Variants in NRXN1 observed in about 807,000 individuals in gnomAD.
NRXN1 encodes the protein neurexin-1.
NRXN1 carries 39 observed loss-of-function variants against 150.9 expected under a neutral mutation model. That is an observed-to-expected ratio of 0.26 (90% CI 0.20 to 0.34). The LOEUF (loss-of-function observed/expected upper bound fraction) is 0.34. NRXN1 is among the 10% of genes least tolerant of loss of function. The probability of loss-of-function intolerance (pLI) is 1.00; values close to 1 mark genes in which losing one functional copy is unlikely to be tolerated. For synonymous variants in NRXN1, 924 were observed against 757.0 expected, an observed-to-expected ratio of 1.22 and a Z score of -3.62; for missense variants, 1,815 against 1,949.9, an observed-to-expected ratio of 0.93 and a Z score of 1.30.
chr2:50,546,645 A>G (rs1185892473), intron 9 of NRXN1, among the ~76,000 whole-genome samples: 1 of 152,208 alleles, frequency 6.6e-6, no homozygotes, highest in Non-Finnish European at 1.5e-5. Flanking sequence ...GAAACAATAA[A>G]TGATTTTTTT....
chr2:50,313,214 G>C (rs2075320831), intron 17 of NRXN1, among the ~76,000 whole-genome samples: 1 of 151,902 alleles, frequency 6.6e-6, no homozygotes, highest in Non-Finnish European at 1.5e-5. Flanking sequence ...ATCAAGGATG[G>C]TGAATAACTA....
chr2:50,892,904 A>C (rs1681297852), intron 5 of NRXN1, among the ~76,000 whole-genome samples: 1 of 152,122 alleles, frequency 6.6e-6, no homozygotes, highest in African/African-American at 2.4e-5. Flanking sequence ...AATACTTGCA[A>C]GATCTGCTGA....
At chr2:50,805,186 T>G (rs1426156289) in intron 5 of NRXN1, among the ~76,000 whole-genome samples, 1 of 152,060 alleles carries the variant, frequency 6.6e-6, no homozygotes, top group African/African-American at 2.4e-5. Flanking sequence ...AAATATGTCT[T>G]CTACTAAAGG....
At chr2:50,731,855 A>C (rs1263457402) in intron 5 of NRXN1, among the ~76,000 whole-genome samples, 1 of 152,192 alleles carries the variant, frequency 6.6e-6, no homozygotes, top group East Asian at 1.9e-4. Context: ...CATGATTTGC[A>C]TTAGGCATGC....
intron 3 of NRXN1, among the ~76,000 whole-genome samples, chr2:50,923,171 T>A (rs1686333795): frequency 6.6e-6 from 1 of 151,756 alleles, no homozygotes; most frequent in Non-Finnish European, 1.5e-5. Context: ...GAAAAAAAAA[T>A]TGTAGTCACA....
intron 17 of NRXN1, among the ~76,000 whole-genome samples, chr2:50,314,845 G>A (rs1199945752): frequency 6.6e-6 from 1 of 151,874 alleles, no homozygotes; most frequent in African/African-American, 2.4e-5. Context: ...GCCTTGGGGT[G>A]TTTGGAGCAA....
rs370746449 is a variant in NRXN1 at position 50,582,840 on chromosome 2, C to T, written c.1321-29815G>A. Among the ~76,000 whole-genome samples, 11 of 152,208 alleles carry T rather than the reference C, an allele frequency of 7.2e-5. 1 individual carries two copies. The East Asian group carries it at 1.5e-3, about 21-fold the overall frequency. ...TGGGTTTCAGTTGCCCATCAACCCC[C>T]GCAATAGCTATCAGAACCAGTCCCA... On this transcript the variant is annotated intron_variant, in intron 8 of 22. Transcript: ENST00000401669.
intron 9 of NRXN1, among the ~76,000 whole-genome samples, chr2:50,541,005 A>C (rs985702188): frequency 6.6e-6 from 1 of 152,076 alleles, no homozygotes; most frequent in Non-Finnish European, 1.5e-5. Context: ...ATTCTACTCT[A>C]TTTTCCAATT....
intron 17 of NRXN1, among the ~76,000 whole-genome samples, chr2:50,375,324 T>A (rs1464472681): frequency 6.6e-6 from 1 of 151,406 alleles, no homozygotes; most frequent in East Asian, 2.0e-4. Flanking sequence ...ACCAGCCAAA[T>A]ACTTCCCAAC....
rs866012698 is a variant in NRXN1, at chr2:50,745,301, C to A, written c.833-121686G>T. 1.5e-3 allele frequency among the ~76,000 whole-genome samples: 215 copies of A among 139,384 alleles called. 1 individual carries two copies. In the Middle Eastern group the frequency reaches 0.03, roughly 19 times the overall value. The allele number at this position is 139,384 out of a possible 152,430, so 91.4% of individuals were successfully genotyped here. Reference sequence around the variant, plus strand: ...TGCTTATTTTTATATTTATATCTGCCCCCCCCCAGGACTGAAAAAAAACCA... The same window carrying A: ...TGCTTATTTTTATATTTATATCTGCACCCCCCCAGGACTGAAAAAAAACCA... On this transcript the variant is annotated intron_variant, in intron 5 of 22. Coordinates refer to ENST00000401669, the MANE Select transcript of NRXN1 (RefSeq NM_001330078.2).
intron 5 of NRXN1, among the ~76,000 whole-genome samples, chr2:50,760,501 C>A (rs1701682780): frequency 6.6e-6 from 1 of 151,718 alleles, no homozygotes; most frequent in Non-Finnish European, 1.5e-5. Context: ...ACCATCTTCT[C>A]CACTGGAATT....
intron 17 of NRXN1, among the ~76,000 whole-genome samples, chr2:50,398,992 A>G (rs1468377688): frequency 6.6e-6 from 1 of 152,182 alleles, no homozygotes; most frequent in African/African-American, 2.4e-5. Context: ...AAATTATAAC[A>G]TGTCTGGACA....
At chr2:50,652,775 AG>A (rs1230319816) in intron 5 of NRXN1, among the ~76,000 whole-genome samples, 2 of 152,046 alleles carry the variant, frequency 1.3e-5, no homozygotes, top group African/African-American at 2.4e-5. Context: ...AACTGCCAAA[AG>A]CTTTTCCAGA....
chr2:50,806,818 A>G (rs143941755), intron 5 of NRXN1, among the ~76,000 whole-genome samples: 180 of 152,286 alleles, frequency 1.2e-3, no homozygotes, highest in African/African-American at 4.2e-3. Flanking sequence ...ACTCAGAAAT[A>G]CATAATTTGA....
intron 16 of NRXN1, among the ~76,000 whole-genome samples, chr2:50,468,796 G>A (rs189536173): frequency 8.3e-4 from 125 of 151,452 alleles, no homozygotes; most frequent in Non-Finnish European, 1.1e-3. Context: ...AAAAGGCAAT[G>A]ATACCTATTG....
intron 21 of NRXN1, among the ~76,000 whole-genome samples, chr2:50,003,106 G>A (rs572001143): frequency 2.8e-4 from 43 of 151,990 alleles, no homozygotes; most frequent in Non-Finnish European, 5.0e-4. Context: ...AGTGGTTTTC[G>A]AGATAGTTAT....
intron 2 of NRXN1, among the ~76,000 whole-genome samples, chr2:50,948,471 C>T (rs1402927083): frequency 6.6e-6 from 1 of 151,976 alleles, no homozygotes; most frequent in African/African-American, 2.4e-5. Flanking sequence ...CAATTGAATG[C>T]TTTTAAAAAT....
intron 17 of NRXN1, among the ~76,000 whole-genome samples, chr2:50,434,290 G>A (rs1338460399): frequency 6.6e-6 from 1 of 151,662 alleles, no homozygotes; most frequent in Non-Finnish European, 1.5e-5. Context: ...CACCGTGTTG[G>A]CCAGGATGGT....
At chr2:50,769,059 T>C (rs1702695798) in intron 5 of NRXN1, among the ~76,000 whole-genome samples, 1 of 152,110 alleles carries the variant, frequency 6.6e-6, no homozygotes, top group African/African-American at 2.4e-5. Context: ...TTTTTACCTA[T>C]CAACAGTTAC....
Sources: allele counts gnomAD v4.1 joint callset (sites outside exome capture counted in the v4.1 genomes callset), GRCh38; gene constraint gnomAD v4.1.1; transcripts MANE v1.5; gene names NCBI Gene and HGNC (gene_info 2026-07-23, HGNC 2026-07-21).